Variants in IL4I1 observed in about 807,000 individuals in gnomAD.
The protein encoded by IL4I1 is L-amino-acid oxidase.
IL4I1 carries 24 observed loss-of-function variants against 29.7 expected under a neutral mutation model. The ratio of observed to expected loss-of-function variants is 0.81; its 90% CI spans 0.59 to 1.14. The LOEUF is 1.14. IL4I1 is among the 50% of genes most tolerant of loss of function. The pLI is 0.00. For synonymous variants in IL4I1, 371 were observed against 352.5 expected (o/e 1.05, Z -0.59); for missense variants, 686 against 785.6 (o/e 0.87, Z 1.52).
At chr19:49,897,885 C>G (rs1205315272), upstream of IL4I1, among the ~76,000 whole-genome samples, 4 of 151,822 alleles carry the variant, frequency 2.6e-5, no homozygotes, top group Admixed American at 2.6e-4. Context: ...CGCAGTAAAT[C>G]AAAGAGGGAT....
At chr19:49,919,304 T>C (rs2075707233) in intron 2 of IL4I1, among the ~76,000 whole-genome samples, 1 of 152,238 alleles carries the variant, frequency 6.6e-6, no homozygotes, top group Non-Finnish European at 1.5e-5. Flanking sequence ...TTGCACATCT[T>C]TGCAGAGACT....
At chr19:49,896,206 C>T in intron 1 of IL4I1, 24 bp from the exon 2 acceptor site, 1 of 1,485,578 alleles carries the variant, frequency 6.7e-7, no homozygotes, top group Non-Finnish European at 9.0e-7. Flanking sequence ...GAAGGGAGGG[C>T]TGTTGTGACT....
chr19:49,891,400 C>T lies in IL4I1; in HGVS notation c.636+5G>A. 6.2e-7 allele frequency: 1 copy of T among 1,614,058 alleles called. No individual in the cohort carries two copies. The highest frequency in any genetic ancestry group is 8.5e-7 in the Non-Finnish European group (1 of 1,179,938). ...CATCTCAGCAGAACCAAGATCCCCA[C>T]TTACCAAGAGCGTGTGCCTTTCAAA... is the stretch of plus-strand genomic sequence containing the variant. On this transcript the variant is annotated splice_donor_5th_base_variant and intron_variant, in intron 6 of 7. Coordinates refer to ENST00000391826, the MANE Select transcript of IL4I1 (RefSeq NM_152899.2).
chr19:49,891,442 C>T lies in IL4I1; in HGVS notation c.599G>A (p.Arg200Lys), dbSNP rs767746134. 1.9e-6 allele frequency: 3 copies of T among 1,614,202 alleles called. No homozygotes were observed. Among genetic ancestry groups the T allele is most frequent in the African/African-American group, 1.3e-5 (1 of 75,072 alleles). The change falls in exon 6 of 8, where the codon AGA becomes AAA. Residue 200 changes from arginine (R) to lysine (K), a missense_variant. Transcript: ENST00000391826. ...ALKDLKALGC[R>K]KAMKKFERHT... is the part of the protein sequence containing the mutation. Reference sequence around the variant, plus strand: ...CCTTTCAAACTTCTTCATCGCCTTTCTGCAGCCCAGTGCCTTGAGGTCTTT... The same window carrying T: ...CCTTTCAAACTTCTTCATCGCCTTTTTGCAGCCCAGTGCCTTGAGGTCTTT...
At chr19:49,907,674 G>A (rs1182624743) in intron 2 of IL4I1, 1 of 363,610 alleles carries the variant, frequency 2.8e-6, no homozygotes, top group African/African-American at 2.2e-5. Context: ...CTGAGATTGA[G>A]ATCACAGGCG....
At chr19:49,924,932 G>A (rs573011073) in intron 2 of IL4I1, among the ~76,000 whole-genome samples, 124 of 152,294 alleles carry the variant, frequency 8.1e-4, no homozygotes, top group African/African-American at 3.0e-3. Context: ...CACATAGCCA[G>A]CAATGCAATT....
chr19:49,923,128 C>A (rs1303419926), intron 2 of IL4I1, among the ~76,000 whole-genome samples: 2 of 152,108 alleles, frequency 1.3e-5, no homozygotes, highest in Admixed American at 1.3e-4. Flanking sequence ...CAAGGGCAGG[C>A]ACAAGGGAGG....
chr19:49,899,096 T>G (rs1177806732), upstream of IL4I1, among the ~76,000 whole-genome samples: 2 of 152,080 alleles, frequency 1.3e-5, no homozygotes, highest in East Asian at 1.9e-4. Context: ...GGTCCCACAG[T>G]GGGGAATGGC....
intron 7 of IL4I1, 32 bp downstream of exon 7, chr19:49,890,939 C>T (rs533936001): frequency 1.4e-5 from 6 of 423,474 alleles, no homozygotes; most frequent in Admixed American, 9.2e-5. Flanking sequence ...GCCCCCCGCC[C>T]CCCCCCCCTG....
At chr19:49,915,676 G>A (rs1166690433) in intron 2 of IL4I1, among the ~76,000 whole-genome samples, 1 of 152,232 alleles carries the variant, frequency 6.6e-6, no homozygotes, top group Non-Finnish European at 1.5e-5. Flanking sequence ...GAGCAGAGCT[G>A]GGGTTGAGAA....
At chr19:49,910,879 G>C (rs1287674497) in intron 2 of IL4I1, among the ~76,000 whole-genome samples, 1 of 152,212 alleles carries the variant, frequency 6.6e-6, no homozygotes, top group Non-Finnish European at 1.5e-5. Context: ...GGTGAGGAAA[G>C]GGTGAGAGGG....
intron 5 of IL4I1, among the ~76,000 whole-genome samples, chr19:49,891,863 G>A (rs1224074080): frequency 6.6e-5 from 10 of 152,160 alleles, no homozygotes; most frequent in Admixed American, 6.5e-4. Context: ...GTCCTCCCGG[G>A]GGCTCAGTGA....
intron 2 of IL4I1, chr19:49,909,976 G>A (rs2075422055): frequency 1.4e-6 from 1 of 730,590 alleles, no homozygotes; most frequent in African/African-American, 1.7e-5. Flanking sequence ...AGGGTGGTGG[G>A]ATGGGATAAT....
upstream of IL4I1, chr19:49,896,929 C>G: frequency 1.0e-6 from 1 of 966,390 alleles, no homozygotes; most frequent in Non-Finnish European, 1.2e-6. Flanking sequence ...ACTGGCAGAG[C>G]CCCGCCCACC....
In IL4I1 at chr19:49,908,129, A is replaced by T. The variant is rs1006014943; in HGVS notation, c.-227-3808T>A. ...ATCATGTCAAGGGCAGTCATGTGAA[A>T]GAAAGAAACAAACAAACAAGTATCT... On this transcript the variant is annotated intron_variant, in intron 2 of 9. Coordinates refer to the IL4I1 transcript ENST00000341114. 18 of 1,522,630 alleles carry T rather than the reference A, an allele frequency of 1.2e-5. No homozygotes were observed. The African/African-American group carries it at 1.9e-4, about 16-fold the overall frequency. 94.3% of individuals were successfully genotyped at this position (1,522,630 alleles called of 1,614,324 possible). A position where few individuals can be genotyped will look rare whatever the true frequency, so the allele number is the denominator to read the frequency against.
In IL4I1 at chr19:49,890,568, A is replaced by T. The variant is rs1233630751; in HGVS notation, c.806T>A (p.Leu269Gln). 1.3e-6 allele frequency: 2 copies of T among 1,585,982 alleles called. No individual in the cohort carries two copies. Among genetic ancestry groups the T allele is most frequent in the Admixed American group, 1.7e-5 (1 of 58,836 alleles). ...CAGCGAGCTCAGCAGCGCGCGCGGC[A>T]GCAGGTCCCAGCCACCCACGATGCG... ...YSRIVGGWDL[L>Q]PRALLSSLSG... Residue 269 changes from leucine (L) to glutamine (Q), a missense_variant, in exon 8 of 8, where the codon CTG (leucine) becomes CAG (glutamine). Transcript: ENST00000391826.
At chr19:49,905,506 C>T (rs2075310613) in intron 2 of IL4I1, among the ~76,000 whole-genome samples, 1 of 152,344 alleles carries the variant, frequency 6.6e-6, no homozygotes, top group South Asian at 2.1e-4. Flanking sequence ...GTTGTGGGGT[C>T]TTCCTCTGGT....
chr19:49,901,657 G>C (rs1196696949), upstream of IL4I1: 1 of 1,530,632 alleles, frequency 6.5e-7, no homozygotes, highest in African/African-American at 1.4e-5. Flanking sequence ...TGCCTCTGGG[G>C]GGCTCTCTCA....
At chr19:49,907,466 T>C (rs1449815889) in intron 2 of IL4I1, 1 of 436,968 alleles carries the variant, frequency 2.3e-6, no homozygotes, top group Admixed American at 2.7e-5. Flanking sequence ...TTTGCCTTGG[T>C]GGTTAGCATG....
Sources: gnomAD v4.1 joint callset for allele counts (sites outside exome capture counted in the v4.1 genomes callset) on GRCh38, gnomAD v4.1.1 for gene constraint, MANE v1.5 for transcripts, NCBI Gene and HGNC (gene_info 2026-07-23, HGNC 2026-07-21) for gene names.